The following GRK4 variants were observed in gnomAD, a reference collection of about 807,000 sequenced individuals.
GRK4 encodes the protein G protein-coupled receptor kinase 4.
In GRK4, 73 loss-of-function variants were observed where a neutral mutation model predicts 77.9. The observed-to-expected ratio is 0.94, with a 90% confidence interval of 0.78 to 1.14. The LOEUF (loss-of-function observed/expected upper bound fraction) is 1.14. Ranked by LOEUF, GRK4 falls within the 50% of genes most tolerant of loss-of-function variation. The probability of loss-of-function intolerance (pLI) is 0.00; values close to 1 mark genes in which losing one functional copy is unlikely to be tolerated. For missense variants in GRK4, 729 were observed against 700.2 expected (o/e 1.04, Z -0.46); for synonymous variants, 257 against 254.4 (o/e 1.01, Z -0.10).
Position 2,988,805 on chromosome 4 carries a change from C to A in GRK4, c.227C>A (p.Thr76Asn). 6.2e-7 allele frequency: 1 copy of A among 1,612,014 alleles called. No individual in the cohort carries two copies. The highest frequency in any genetic ancestry group is 8.5e-7 in the Non-Finnish European group (1 of 1,178,140). The change falls in exon 3 of 16, where the codon ACT becomes AAT. Residue 76 changes from threonine (T) to asparagine (N), a missense_variant. Transcript: ENST00000398052. The stretch of plus-strand genomic sequence containing the variant: ...AGGCAGTTCTGTGATACCAAACCCA[C>A]TCTAAAGAGGCACATTGAATTCTTG... Reference protein sequence around the residue: ...LFRQFCDTKPTLKRHIEFLDA... With the variant: ...LFRQFCDTKPNLKRHIEFLDA...
intron 8 of GRK4, among the ~76,000 whole-genome samples, chr4:3,017,022 C>G (rs1488260996): frequency 6.6e-6 from 1 of 152,242 alleles, no homozygotes; most frequent in African/African-American, 2.4e-5. Flanking sequence ...TAATGCCTCT[C>G]CCTGGAGCCC....
chr4:2,996,168 A>C (rs972816847), intron 4 of GRK4, among the ~76,000 whole-genome samples: 2 of 152,022 alleles, frequency 1.3e-5, no homozygotes, highest in African/African-American at 4.8e-5. Context: ...TTGCTTGCAC[A>C]CATGTCTGAG....
chr4:2,970,685 TG>T (rs1170543200), intron 1 of GRK4, among the ~76,000 whole-genome samples: 1 of 151,356 alleles, frequency 6.6e-6, no homozygotes, highest in African/African-American at 2.4e-5. Flanking sequence ...TCTTTTTTTT[TG>T]GGGGGGTCAG....
intron 13 of GRK4, 143 bp from the exon 14 acceptor site, chr4:3,037,231 T>G (rs184496654): frequency 3.7e-6 from 3 of 817,630 alleles, no homozygotes; most frequent in Non-Finnish European, 5.7e-6. Flanking sequence ...ATGCCTCAAG[T>G]GAGAGGGGCC....
chr4:3,035,307 G>T, intron 12 of GRK4, 79 bp from the exon 13 acceptor site: 1 of 1,426,520 alleles, frequency 7.0e-7, no homozygotes, highest in Admixed American at 1.7e-5. Context: ...CGAGTCCTTT[G>T]GTTATTATTA....
chr4:3,010,390 C>A (rs1436358803), intron 7 of GRK4, among the ~76,000 whole-genome samples: 1 of 152,114 alleles, frequency 6.6e-6, no homozygotes, highest in African/African-American at 2.4e-5. Context: ...CCACACCTAG[C>A]TAATTTTCGT....
intron 11 of GRK4, 68 bp from the exon 12 acceptor site, chr4:3,029,133 C>G (rs905905954): frequency 9.1e-5 from 112 of 1,235,858 alleles, no homozygotes; most frequent in Middle Eastern, 4.7e-4. Context: ...TACTGTGTTA[C>G]TGGGAATTAT....
At chr4:2,995,209 G>T (rs912719820) in intron 4 of GRK4, among the ~76,000 whole-genome samples, 4 of 152,140 alleles carry the variant, frequency 2.6e-5, no homozygotes, top group Admixed American at 6.6e-5. Context: ...TTGATTCCAT[G>T]TGTTTGCTAT....
intron 1 of GRK4, among the ~76,000 whole-genome samples, chr4:2,979,022 G>A (rs1722011575): frequency 6.6e-6 from 1 of 152,038 alleles, no homozygotes; most frequent in Non-Finnish European, 1.5e-5. Context: ...GAGGTCAGGA[G>A]ATCGAGACCA....
intron 1 of GRK4, chr4:2,965,352 G>A (rs775295724): frequency 3.1e-5 from 22 of 702,802 alleles, no homozygotes; most frequent in Admixed American, 1.0e-4. Flanking sequence ...CCTTGCCTGC[G>A]TCTCAAGAGA....
intron 1 of GRK4, among the ~76,000 whole-genome samples, chr4:2,970,354 C>T (rs1165470694): frequency 3.9e-5 from 6 of 152,144 alleles, no homozygotes. Flanking sequence ...ATCTATACCA[C>T]TGATACTATA....
chr4:3,037,918 CAA>C (rs80159278), intron 14 of GRK4, among the ~76,000 whole-genome samples: 32 of 109,850 alleles, frequency 2.9e-4, no homozygotes, highest in Admixed American at 3.8e-4. Context: ...TCGTCTCACC[CAA>C]AAAAAAAAAA....
chr4:2,992,408 G>A (rs1726491250), intron 4 of GRK4, 116 bp downstream of exon 4: 2 of 634,492 alleles, frequency 3.2e-6, no homozygotes, highest in Middle Eastern at 4.5e-4. Flanking sequence ...GGCTGGGTGT[G>A]ATGCCTGACG....
intron 12 of GRK4, among the ~76,000 whole-genome samples, chr4:3,031,917 G>T (rs932820297): frequency 6.6e-6 from 1 of 152,158 alleles, no homozygotes; most frequent in African/African-American, 2.4e-5. Flanking sequence ...TGGGCTGGCA[G>T]TGGCTGGAGA....
rs1716708922 is a variant in GRK4, at chr4:2,964,224, A to G, written c.52+102A>G. The G allele has an allele frequency of 9.8e-6, 9 of 921,226 alleles. No individual in the cohort carries two copies. In the South Asian group the frequency reaches 1.3e-4, roughly 13 times the overall value. 57.1% of individuals were successfully genotyped at this position (921,226 alleles called of 1,614,324 possible). A position where few individuals can be genotyped will look rare whatever the true frequency, so the allele number is the denominator to read the frequency against. Reference sequence around the variant, plus strand: ...AACCCGACATCCCCGGAGAACCCCGATTTCCCTGGAGAGCCCCGACACCTC... The same window carrying G: ...AACCCGACATCCCCGGAGAACCCCGGTTTCCCTGGAGAGCCCCGACACCTC... On this transcript the variant is annotated intron_variant, in intron 1 of 15. Transcript: ENST00000398052.
intron 1 of GRK4, among the ~76,000 whole-genome samples, chr4:2,975,854 C>T (rs1000887479): frequency 6.6e-6 from 1 of 152,166 alleles, no homozygotes; most frequent in Admixed American, 6.5e-5. Flanking sequence ...TTGGTTTGTA[C>T]TGAGCTCCTG....
intron 1 of GRK4, among the ~76,000 whole-genome samples, chr4:2,971,763 G>T (rs949528794): frequency 1.3e-5 from 2 of 152,182 alleles, no homozygotes; most frequent in African/African-American, 4.8e-5. Context: ...AGAATCTGTC[G>T]CAGGCCTCTC....
intron 1 of GRK4, among the ~76,000 whole-genome samples, chr4:2,982,531 A>G (rs1212965924): frequency 1.3e-5 from 2 of 152,238 alleles, no homozygotes; most frequent in Admixed American, 6.5e-5. Context: ...ACCACTGAAG[A>G]TGTAAGCCAT....
intron 7 of GRK4, 118 bp from the exon 8 acceptor site, chr4:3,013,570 C>G: frequency 8.0e-7 from 1 of 1,246,078 alleles, no homozygotes; most frequent in Non-Finnish European, 1.1e-6. Context: ...GTCTCGGCTC[C>G]TCATGCACTG....
Sources: allele counts gnomAD v4.1 joint callset (sites outside exome capture counted in the v4.1 genomes callset), GRCh38; gene constraint gnomAD v4.1.1; transcripts MANE v1.5; gene names NCBI Gene and HGNC (gene_info 2026-07-23, HGNC 2026-07-21).